HGF: variants seen among roughly 807,000 people sequenced by gnomAD.
The protein encoded by HGF is fibroblast-derived tumor cytotoxic factor.
In HGF, 39 loss-of-function variants were observed where a neutral mutation model predicts 111.6. The ratio of observed to expected loss-of-function variants is 0.35; its 90% confidence interval spans 0.27 to 0.46. The LOEUF (loss-of-function observed/expected upper bound fraction) is 0.46. HGF is among the 20% of genes least tolerant of loss of function. The pLI, the probability that HGF is intolerant of heterozygous loss-of-function variation, is 1.00. For synonymous variants in HGF, 285 were observed against 294.8 expected (o/e 0.97, Z 0.34); for missense variants, 735 against 910.5 (o/e 0.81, Z 2.48).
In HGF at chr7:81,717,309, G is replaced by A. The variant is rs2115849124; in HGVS notation, c.1328C>T (p.Pro443Leu). 1 of 1,613,478 alleles carries A rather than the reference G, an allele frequency of 6.2e-7. No homozygotes were observed. The highest frequency in any genetic ancestry group is 2.2e-5 in the East Asian group (1 of 44,852). ...CCAGGGTCCATGAGCATCATCATCTGGATTTCGGCAGTAATTCTCATTCAG... is the reference window on the plus strand; with the variant it reads ...CCAGGGTCCATGAGCATCATCATCTAGATTTCGGCAGTAATTCTCATTCAG... ...SKLNENYCRNPDDDAHGPWCY... is the reference protein window; with the variant it reads ...SKLNENYCRNLDDDAHGPWCY... Residue 443 changes from proline (P) to leucine (L), a missense_variant, in exon 11 of 18, where the codon CCA (proline) becomes CTA (leucine). Physicochemically the swap from Pro to Leu is moderately conservative, Grantham distance 98 (BLOSUM62 -3). Around this residue, in one of 3 missense-constraint regions of HGF, gnomAD observed 553 missense variants for 685.6 expected, o/e 0.81. Coordinates refer to ENST00000222390, the MANE Select transcript of HGF (RefSeq NM_000601.6).
intron 13 of HGF, among the ~76,000 whole-genome samples, chr7:81,709,744 T>A (rs1178158908): frequency 2.0e-5 from 3 of 152,210 alleles, no homozygotes; most frequent in Admixed American, 2.0e-4. Context: ...CAAATATAAA[T>A]GTTTTGACAT....
chr7:81,710,392 GA>G lies in HGF; in HGVS notation c.1445-150del. 4 of 673,674 alleles carry G rather than the reference GA, an allele frequency of 5.9e-6. No homozygotes were observed. The South Asian group carries it at 6.7e-5, about 11-fold the overall frequency. The allele number at this position is 673,674 out of a possible 1,614,324, so 41.7% of individuals were successfully genotyped here. A position where few individuals can be genotyped will look rare whatever the true frequency, so the allele number is the denominator to read the frequency against. On this transcript the variant is annotated intron_variant, in intron 12 of 17. Transcript: ENST00000222390. ...GTTTGGTGAAAGAGAAGTTTAATAT[GA>G]CCGCAGCATTATATTAAGTCCTTAA...
chr7:81,768,235 G>C (rs1183237679), intron 1 of HGF, among the ~76,000 whole-genome samples: 6 of 152,152 alleles, frequency 3.9e-5, no homozygotes, highest in Non-Finnish European at 8.8e-5. Context: ...CGTTCCCCTT[G>C]CGTTAGCACA....
chr7:81,731,418 A>T lies in HGF; in HGVS notation c.866-1639T>A, dbSNP rs145859939. 2.8e-4 allele frequency among the ~76,000 whole-genome samples: 42 copies of T among 152,316 alleles called. No homozygotes were observed. The East Asian group carries it at 6.8e-3, about 24-fold the overall frequency. On this transcript the variant is annotated intron_variant, in intron 7 of 17. Coordinates refer to ENST00000222390, the MANE Select transcript of HGF (RefSeq NM_000601.6). ...CCCATAAAGTGGTAACTGAGAGCTG[A>T]TAGCCTAGAGAATTCATCTATATTG...
At chr7:81,769,265 A>G (rs2116288734) in intron 1 of HGF, among the ~76,000 whole-genome samples, 1 of 152,306 alleles carries the variant, frequency 6.6e-6, no homozygotes, top group Admixed American at 6.5e-5. Context: ...CTGCAGCTTT[A>G]ATCAAAGTCT....
chr7:81,734,402 A>G (rs1787758786), intron 7 of HGF, among the ~76,000 whole-genome samples: 1 of 152,066 alleles, frequency 6.6e-6, no homozygotes, highest in African/African-American at 2.4e-5. Flanking sequence ...TTGCTATCGA[A>G]ATTTTTCACT....
At chr7:81,734,874 A>G (rs541793708) in intron 7 of HGF, among the ~76,000 whole-genome samples, 6 of 152,182 alleles carry the variant, frequency 3.9e-5, no homozygotes, top group African/African-American at 7.2e-5. Flanking sequence ...AGATTTCCCA[A>G]TGGAGACAAG....
At chr7:81,719,966 G>T (rs994048989) in intron 10 of HGF, among the ~76,000 whole-genome samples, 2 of 152,132 alleles carry the variant, frequency 1.3e-5, no homozygotes, top group African/African-American at 4.8e-5. Flanking sequence ...TTGATCAAAT[G>T]ACTGTAACTT....
At chr7:81,720,559 A>C (rs1460833136) in intron 10 of HGF, among the ~76,000 whole-genome samples, 186 bp downstream of exon 10, 1 of 152,240 alleles carries the variant, frequency 6.6e-6, no homozygotes, top group African/African-American at 2.4e-5. Flanking sequence ...CTTGAATTGC[A>C]TATTTAAAAG....
chr7:81,707,218 A>G (rs1011014142), intron 14 of HGF, 72 bp downstream of exon 14: 1 of 820,478 alleles, frequency 1.2e-6, no homozygotes, highest in Non-Finnish European at 2.1e-6. Context: ...ACATATTATA[A>G]CCTTAAGAGC....
At position 81,701,582 on chromosome 7, in the gene HGF, T is replaced by C. The variant is rs1789280089; in HGVS notation, c.*999A>G. ...TACATTTTTAATGACCAAAACACTTTTAAACTTCTTCAATTAGATACTGAT... is the reference window on the plus strand; with the variant it reads ...TACATTTTTAATGACCAAAACACTTCTAAACTTCTTCAATTAGATACTGAT... On this transcript the variant is annotated 3_prime_UTR_variant, in exon 18 of 18. Coordinates refer to ENST00000222390, the MANE Select transcript of HGF (RefSeq NM_000601.6). The C allele has an allele frequency of 6.6e-6, 1 of 151,528 alleles. No individual in the cohort carries two copies. The highest frequency in any genetic ancestry group is 2.4e-5 in the African/African-American group (1 of 41,360). 9.4% of individuals were successfully genotyped at this position (151,528 alleles called of 1,614,324 possible). A position where few individuals can be genotyped will look rare whatever the true frequency, so the allele number is the denominator to read the frequency against.
At chr7:81,757,066 A>G in intron 4 of HGF, 123 bp downstream of exon 4, 1 of 708,816 alleles carries the variant, frequency 1.4e-6, no homozygotes. Flanking sequence ...CCTTGCCGTA[A>G]TACAATTCAG....
chr7:81,758,621 G>T (rs1788901924), intron 3 of HGF, 71 bp downstream of exon 3: 2 of 956,784 alleles, frequency 2.1e-6, no homozygotes, highest in Non-Finnish European at 3.4e-6. Context: ...GACCACTCTG[G>T]CAGGAAATTA....
chr7:81,725,420 C>T (rs1419908912), intron 9 of HGF, among the ~76,000 whole-genome samples: 1 of 152,098 alleles, frequency 6.6e-6, no homozygotes, highest in Non-Finnish European at 1.5e-5. Flanking sequence ...CATGCTGCTC[C>T]CTCACTGCCC....
intron 9 of HGF, among the ~76,000 whole-genome samples, chr7:81,723,829 T>C (rs143374296): frequency 1.3e-4 from 19 of 151,156 alleles, no homozygotes; most frequent in African/African-American, 4.6e-4. Context: ...CATATAGATA[T>C]ATATACACAT....
intron 1 of HGF, among the ~76,000 whole-genome samples, chr7:81,768,209 T>C (rs1314637828): frequency 6.6e-6 from 1 of 152,228 alleles, no homozygotes; most frequent in African/African-American, 2.4e-5. Context: ...ATCTACTGTT[T>C]GGGTTTTCCA....
intron 10 of HGF, among the ~76,000 whole-genome samples, chr7:81,719,930 A>T (rs1270635671): frequency 6.6e-6 from 1 of 152,196 alleles, no homozygotes; most frequent in Non-Finnish European, 1.5e-5. Context: ...GGCATAACTC[A>T]TGTAAAGCAG....
intron 5 of HGF, chr7:81,750,921 T>C (rs569407574): frequency 1.1e-6 from 1 of 895,694 alleles, no homozygotes; most frequent in South Asian, 5.1e-5. Context: ...AAGTTTATTA[T>C]TTTTAAAAGA....
rs906895240 is a variant in HGF, at chr7:81,699,408, A to G, written c.*3173T>C. On this transcript the variant is annotated 3_prime_UTR_variant, in exon 18 of 18. Coordinates refer to ENST00000222390, the MANE Select transcript of HGF (RefSeq NM_000601.6). ...TATCATGACAAGTGATTTATTTTAAAATTATGTATTTTAAAAACAAAGGCC... is the reference window on the plus strand; with the variant it reads ...TATCATGACAAGTGATTTATTTTAAGATTATGTATTTTAAAAACAAAGGCC... 2 of 151,612 alleles carry G rather than the reference A, an allele frequency of 1.3e-5. No homozygotes were observed. The highest frequency in any genetic ancestry group is 3.0e-5 in the Non-Finnish European group (2 of 67,670). The allele number at this position is 151,612 out of a possible 1,614,324, so 9.4% of individuals were successfully genotyped here. A position where few individuals can be genotyped will look rare whatever the true frequency, so the allele number is the denominator to read the frequency against.
Sources: allele counts gnomAD v4.1 joint callset (sites outside exome capture counted in the v4.1 genomes callset), GRCh38; gene constraint gnomAD v4.1.1; regional missense constraint gnomAD v4.1.1; transcripts MANE v1.5; gene names NCBI Gene and HGNC (gene_info 2026-07-23, HGNC 2026-07-21).